Variants in UTP20 observed in about 807,000 individuals in gnomAD.
UTP20 encodes UTP20 small subunit processome component, also known as small subunit processome component 20 homolog.
UTP20 carries 164 observed loss-of-function variants against 329.5 expected under a neutral mutation model. The ratio of observed to expected loss-of-function variants is 0.50; its 90% CI spans 0.44 to 0.57. The LOEUF is 0.57. Ranked by LOEUF, UTP20 falls within the 20% of genes least tolerant of loss-of-function variation. UTP20 has a pLI of 0.00. For missense variants in UTP20, 3,055 were observed against 3,284.2 expected, an observed-to-expected ratio of 0.93 and a Z score of 1.71; for synonymous variants, 1,151 against 1,159.3, an observed-to-expected ratio of 0.99 and a Z score of 0.14.
Position 101,300,072 on chromosome 12 carries a change from A to AGT in UTP20, c.1675+11_1675+12insGT. On this transcript the variant is annotated intron_variant, in intron 14 of 61. Coordinates refer to ENST00000261637, the MANE Select transcript of UTP20 (RefSeq NM_014503.3). ...GAAGCTTTGGGAAAGGTCAGTTACAATCATCATGTGTTCTCTTCTCTTCTT... is the reference window on the plus strand; with the variant it reads ...GAAGCTTTGGGAAAGGTCAGTTACAAGTTCATCATGTGTTCTCTTCTCTTCTT... 1.2e-6 allele frequency: 2 copies of AGT among 1,611,694 alleles called. No homozygotes were observed. The highest frequency in any genetic ancestry group is 2.2e-5 in the South Asian group (2 of 91,018).
intron 8 of UTP20, chr12:101,291,540 C>CAAA (rs34248827): frequency 7.2e-4 from 55 of 76,922 alleles, no homozygotes; most frequent in East Asian, 1.9e-3. Context: ...AACTCCATCT[C>CAAA]AAAAAAAAAA....
Position 101,332,171 on chromosome 12 carries a change from C to T in UTP20, c.3418-1130C>T, listed in dbSNP as rs975276050. 1.3e-5 allele frequency among the ~76,000 whole-genome samples: 2 copies of T among 152,044 alleles called. 1 individual carries two copies. Among genetic ancestry groups the T allele is most frequent in the African/African-American group, 4.8e-5 (2 of 41,390 alleles). ...TGACCAACATGGAGAAACCCCGTCT[C>T]TACTGAAAATACAAAATGAACGGGG... On this transcript the variant is annotated intron_variant, in intron 27 of 61. Transcript: ENST00000261637.
chr12:101,308,790 T>C (rs1422007427), intron 18 of UTP20, among the ~76,000 whole-genome samples: 1 of 150,794 alleles, frequency 6.6e-6, no homozygotes, highest in African/African-American at 2.5e-5. Flanking sequence ...TGGAGTGCAG[T>C]GGCGCAATCT....
intron 6 of UTP20, chr12:101,289,777 G>A (rs1371633852): frequency 6.6e-6 from 1 of 151,712 alleles, no homozygotes; most frequent in African/African-American, 2.4e-5. Flanking sequence ...AATTTTAGAG[G>A]GTTTTTGTAA....
In UTP20 at chr12:101,369,911, C is replaced by T; in HGVS notation, c.6555+20C>T. ...TTCAAGGTGAGATGTCTTCACTTGC[C>T]CTTGGAAAAAGCCAGGATGGAGCTG... On this transcript the variant is annotated intron_variant, in intron 49 of 61. Transcript: ENST00000261637. 6.2e-7 allele frequency: 1 copy of T among 1,610,072 alleles called. No homozygotes were observed. The highest frequency in any genetic ancestry group is 8.5e-7 in the Non-Finnish European group (1 of 1,178,400).
intron 58 of UTP20, among the ~76,000 whole-genome samples, chr12:101,382,026 A>AAG (rs1870662725): frequency 6.6e-6 from 1 of 150,972 alleles, no homozygotes; most frequent in African/African-American, 2.4e-5. Context: ...ATCAAAAAAA[A>AAG]AAAAAAAAAA....
intron 60 of UTP20, among the ~76,000 whole-genome samples, chr12:101,385,097 C>CAAA (rs35335261): frequency 1.8e-5 from 2 of 114,122 alleles, no homozygotes; most frequent in Non-Finnish European, 1.8e-5. Context: ...ACTCCCCCGC[C>CAAA]AAAAAAAAAA....
intron 44 of UTP20, among the ~76,000 whole-genome samples, chr12:101,363,265 T>C (rs561027451): frequency 6.6e-6 from 1 of 152,364 alleles, no homozygotes; most frequent in East Asian, 1.9e-4. Flanking sequence ...AGCTACTCTT[T>C]GGTACATCAA....
chr12:101,310,577 C>CAAAAAAAAAAAAAAAAA lies in UTP20; in HGVS notation c.2231+743_2231+759dup, dbSNP rs549641642. 1.2e-3 allele frequency among the ~76,000 whole-genome samples: 54 copies of CAAAAAAAAAAAAAAAAA among 44,348 alleles called. 3 individuals are homozygous for CAAAAAAAAAAAAAAAAA. Among genetic ancestry groups the CAAAAAAAAAAAAAAAAA allele is most frequent in the African/African-American group, 2.6e-3 (24 of 9,134 alleles). The allele number at this position is 44,348 out of a possible 152,430, so 29.1% of individuals were successfully genotyped here. On this transcript the variant is annotated intron_variant, in intron 19 of 61. Transcript: ENST00000261637. ...GCAACAAGAGTGAAACTCTGTCTCC[C>CAAAAAAAAAAAAAAAAA]AAAAAAAAAAAAAAAAAAAAATACA...
At chr12:101,373,531 G>C in intron 53 of UTP20, 54 bp from the exon 54 acceptor site, 2 of 1,613,230 alleles carry the variant, frequency 1.2e-6, no homozygotes, top group Non-Finnish European at 1.7e-6. Context: ...CCCTTTGCTA[G>C]AGCATCTGTA....
At chr12:101,373,885 T>A in intron 54 of UTP20, 118 bp downstream of exon 54, 1 of 1,185,088 alleles carries the variant, frequency 8.4e-7, no homozygotes, top group Non-Finnish European at 1.2e-6. Flanking sequence ...AGTGTTATTT[T>A]TGTCTGATTA....
At chr12:101,344,835 G>T in intron 36 of UTP20, 85 bp downstream of exon 36, 1 of 1,106,716 alleles carries the variant, frequency 9.0e-7, no homozygotes, top group East Asian at 3.3e-5. Context: ...GTATAGAAAA[G>T]TAGTCAGGCT....
intron 56 of UTP20, among the ~76,000 whole-genome samples, chr12:101,377,918 T>C (rs964862660): frequency 1.3e-5 from 2 of 152,176 alleles, no homozygotes; most frequent in Admixed American, 1.3e-4. Flanking sequence ...TGAGATCATG[T>C]TCATGAAAAT....
At chr12:101,334,366 T>C (rs1304172218) in intron 28 of UTP20, 59 bp from the exon 29 acceptor site, 1 of 1,431,132 alleles carries the variant, frequency 7.0e-7, no homozygotes, top group African/African-American at 1.4e-5. Context: ...TAGTTATTTG[T>C]GGTTTTTCTA....
Position 101,321,490 on chromosome 12 carries a change from C to A in UTP20, c.2916-14C>A. 6.2e-7 allele frequency: 1 copy of A among 1,611,316 alleles called. No homozygotes were observed. The highest frequency in any genetic ancestry group is 1.1e-5 in the South Asian group (1 of 90,794). ...TGATAAAGTGGTGATTTGTGCTGTT[C>A]TCTGTTTTTAAAGGGAAAACTTACA... On this transcript the variant is annotated splice_polypyrimidine_tract_variant and intron_variant, in intron 24 of 61. Coordinates refer to ENST00000261637, the MANE Select transcript of UTP20 (RefSeq NM_014503.3).
In UTP20 at chr12:101,386,176, G is replaced by T; in HGVS notation, c.*53G>T. 1 of 1,475,454 alleles carries T rather than the reference G, an allele frequency of 6.8e-7. No individual in the cohort carries two copies. 91.4% of individuals were successfully genotyped at this position (1,475,454 alleles called of 1,614,324 possible). ...ACTTTCTGGAATATTCTGCTAGTCTGAAATTACAGTAGGTTGTCTGGGGTA... is the reference window on the plus strand; with the variant it reads ...ACTTTCTGGAATATTCTGCTAGTCTTAAATTACAGTAGGTTGTCTGGGGTA... On this transcript the variant is annotated 3_prime_UTR_variant, in exon 62 of 62. Coordinates refer to ENST00000261637, the MANE Select transcript of UTP20 (RefSeq NM_014503.3).
At chr12:101,312,692 G>A (rs539724367) in intron 21 of UTP20, among the ~76,000 whole-genome samples, 26 of 152,264 alleles carry the variant, frequency 1.7e-4, no homozygotes, top group Middle Eastern at 3.4e-3. Context: ...CACCCACCTC[G>A]GCTTCCCAAA....
rs1871962849 is a variant in UTP20 at position 101,286,423 on chromosome 12, G to A, written c.429G>A (p.Glu143=). 1 of 1,613,950 alleles carries A rather than the reference G, an allele frequency of 6.2e-7. No individual in the cohort carries two copies. Among genetic ancestry groups the A allele is most frequent in the Non-Finnish European group, 8.5e-7 (1 of 1,179,938 alleles). Residue 143 remains glutamate, a synonymous_variant, in exon 5 of 62, where the codon GAG becomes GAA. Transcript: ENST00000261637. The part of the protein sequence containing the change: ...ITSILETQDT[E]LLEWAFTSLS... ...CGATCCTGGAGACTCAGGACACAGA[G>A]TTGTTAGAATGGGCTTTCACCTCGT... is the stretch of plus-strand genomic sequence containing the variant.
At chr12:101,320,564 A>C (rs1873117643) in intron 23 of UTP20, among the ~76,000 whole-genome samples, 1 of 152,016 alleles carries the variant, frequency 6.6e-6, no homozygotes, top group Non-Finnish European at 1.5e-5. Flanking sequence ...TGAAAAAAAA[A>C]AGAGAAAGAG....
Sources: allele counts gnomAD v4.1 joint callset (sites outside exome capture counted in the v4.1 genomes callset), GRCh38; gene constraint gnomAD v4.1.1; transcripts MANE v1.5; gene names NCBI Gene and HGNC (gene_info 2026-07-23, HGNC 2026-07-21).